The following WWTR1 variants were observed in gnomAD, a reference collection of about 807,000 sequenced individuals.
WWTR1 encodes the protein WW domain-containing transcription regulator protein 1.
Under a neutral mutation model 40.1 loss-of-function variants are expected in WWTR1, and 13 were observed. The ratio of observed to expected loss-of-function variants is 0.32; its 90% confidence interval spans 0.21 to 0.52. The LOEUF is 0.52. Among genes scored for constraint, WWTR1 ranks in the 20% least tolerant of loss-of-function variants. WWTR1 has a pLI of 0.97. For missense variants in WWTR1, 436 were observed against 523.1 expected (o/e 0.83, Z 1.63); for synonymous variants, 230 against 210.1 (o/e 1.09, Z -0.82).
At chr3:149,527,692 G>T in intron 5 of WWTR1, 144 bp downstream of exon 5, 2 of 1,240,906 alleles carry the variant, frequency 1.6e-6, no homozygotes, top group Non-Finnish European at 1.1e-6. Flanking sequence ...TCTTTTTTCT[G>T]CCAGCTCCTC....
intron 2 of WWTR1, among the ~76,000 whole-genome samples, chr3:149,583,902 ACT>A (rs1738280017): frequency 6.6e-6 from 1 of 152,142 alleles, no homozygotes; most frequent in Non-Finnish European, 1.5e-5. Flanking sequence ...AGAGCCTGAC[ACT>A]CTGTCTCAAC....
At chr3:149,596,554 A>G (rs1464626745) in intron 2 of WWTR1, among the ~76,000 whole-genome samples, 1 of 152,222 alleles carries the variant, frequency 6.6e-6, no homozygotes, top group Non-Finnish European at 1.5e-5. Flanking sequence ...TACACAAGGC[A>G]ACAGCCGTAG....
chr3:149,709,118 G>C (rs2108229504), intron 5 of WWTR1, among the ~76,000 whole-genome samples: 1 of 152,242 alleles, frequency 6.6e-6, no homozygotes, highest in East Asian at 1.9e-4. Context: ...GGGACTATGG[G>C]CACGTGCCAC....
At chr3:149,586,345 G>T (rs1181863104) in intron 2 of WWTR1, among the ~76,000 whole-genome samples, 1 of 151,668 alleles carries the variant, frequency 6.6e-6, no homozygotes, top group African/African-American at 2.4e-5. Context: ...CCTTTGGCTG[G>T]TCACTTTTCT....
intron 2 of WWTR1, among the ~76,000 whole-genome samples, chr3:149,666,814 T>G (rs1243353605): frequency 6.6e-6 from 1 of 152,212 alleles, no homozygotes. Flanking sequence ...CTTCTGTAGT[T>G]TCCTAACAGA....
At chr3:149,545,100 T>C (rs915481375) in intron 3 of WWTR1, among the ~76,000 whole-genome samples, 7 of 152,200 alleles carry the variant, frequency 4.6e-5, no homozygotes, top group Admixed American at 2.6e-4. Context: ...ACAGTCATGA[T>C]TGATGCCAAA....
At chr3:149,649,829 A>C (rs907203177) in intron 2 of WWTR1, 1 of 151,432 alleles carries the variant, frequency 6.6e-6, no homozygotes, top group African/African-American at 2.4e-5. Context: ...AGGCAGGAGA[A>C]TCAGCTGAAC....
intron 1 of WWTR1, 180 bp downstream of exon 1, chr3:149,657,581 AACTG>A: frequency 2.2e-6 from 1 of 448,794 alleles, no homozygotes; most frequent in Non-Finnish European, 4.0e-6. Flanking sequence ...TGGAGGGAAT[AACTG>A]CACTCGGGGC....
At chr3:149,621,619 A>G (rs1462700948) in intron 2 of WWTR1, among the ~76,000 whole-genome samples, 1 of 152,226 alleles carries the variant, frequency 6.6e-6, no homozygotes, top group East Asian at 1.9e-4. Flanking sequence ...ATACAGGAAG[A>G]GCAAAAATCT....
At chr3:149,521,021 T>C (rs935725896) in intron 6 of WWTR1, 32 bp from the exon 7 acceptor site, 1 of 1,546,216 alleles carries the variant, frequency 6.5e-7, no homozygotes, top group Non-Finnish European at 8.7e-7. Flanking sequence ...CCATTTTAAT[T>C]CCTTCTTTTA....
chr3:149,565,647 C>T (rs1303301954), intron 3 of WWTR1, among the ~76,000 whole-genome samples: 1 of 152,118 alleles, frequency 6.6e-6, no homozygotes, highest in East Asian at 1.9e-4. Flanking sequence ...GCCGGGTGCT[C>T]GTGCCTGTAA....
upstream of WWTR1, chr3:149,660,260 T>C (rs927489663): frequency 1.3e-5 from 2 of 152,090 alleles, no homozygotes; most frequent in African/African-American, 4.8e-5. Context: ...GACTTGATGA[T>C]TAAAAGATGA....
chr3:149,723,589 G>A (rs911042209), intron 4 of WWTR1, among the ~76,000 whole-genome samples: 2 of 152,066 alleles, frequency 1.3e-5, no homozygotes, highest in Non-Finnish European at 2.9e-5. Flanking sequence ...TATTTTTTGA[G>A]CCTTTGCCTT....
intron 3 of WWTR1, among the ~76,000 whole-genome samples, chr3:149,550,538 T>C (rs1028646296): frequency 1.3e-5 from 2 of 152,166 alleles, no homozygotes; most frequent in Non-Finnish European, 2.9e-5. Context: ...GAATTATAAA[T>C]TAAATATGAA....
At chr3:149,529,081 T>A (rs901055157) in intron 4 of WWTR1, among the ~76,000 whole-genome samples, 1 of 152,232 alleles carries the variant, frequency 6.6e-6, no homozygotes, top group Non-Finnish European at 1.5e-5. Flanking sequence ...AATTTGCTGA[T>A]GTTTCCAGAG....
chr3:149,544,369 T>C lies in WWTR1; in HGVS notation c.569-1832A>G, dbSNP rs553468358. 3.3e-5 allele frequency among the ~76,000 whole-genome samples: 5 copies of C among 152,346 alleles called. No individual in the cohort carries two copies. In the South Asian group the frequency reaches 1.0e-3, roughly 32 times the overall value. On this transcript the variant is annotated intron_variant, in intron 3 of 6. Coordinates refer to ENST00000360632, the MANE Select transcript of WWTR1 (RefSeq NM_015472.6). ...TGTTCTTTTTTGTCCATACGCTCAC[T>C]GAAATTGTTATTGCAATTCCTGCTG...
At chr3:149,686,049 G>A (rs1203920152) in intron 1 of WWTR1, among the ~76,000 whole-genome samples, 1 of 152,064 alleles carries the variant, frequency 6.6e-6, no homozygotes, top group African/African-American at 2.4e-5. Flanking sequence ...CAATTACCAT[G>A]CCTTCAGCCA....
chr3:149,555,245 CT>C (rs1560057818), intron 3 of WWTR1, among the ~76,000 whole-genome samples: 1 of 152,078 alleles, frequency 6.6e-6, no homozygotes, highest in Non-Finnish European at 1.5e-5. Flanking sequence ...ATAGCATGCC[CT>C]TTTAGTAAAC....
intron 5 of WWTR1, among the ~76,000 whole-genome samples, chr3:149,716,249 G>A (rs1291699706): frequency 6.6e-6 from 1 of 151,960 alleles, no homozygotes; most frequent in Non-Finnish European, 1.5e-5. Flanking sequence ...CAGGCATGGT[G>A]GCACACAGCT....
Sources: gnomAD v4.1 joint callset for allele counts (sites outside exome capture counted in the v4.1 genomes callset) on GRCh38, gnomAD v4.1.1 for gene constraint, MANE v1.5 for transcripts, NCBI Gene and HGNC (gene_info 2026-07-23, HGNC 2026-07-21) for gene names.